The following RND3 variants were observed in gnomAD, a reference collection of about 807,000 sequenced individuals.
RND3 encodes rho-related GTP-binding protein RhoE.
Under a neutral mutation model 26.5 loss-of-function variants are expected in RND3, and 8 were observed. That is an observed-to-expected ratio of 0.30 (90% CI 0.18 to 0.54). The LOEUF (loss-of-function observed/expected upper bound fraction) is 0.54. Ranked by LOEUF, RND3 falls within the 20% of genes least tolerant of loss-of-function variation. RND3 has a pLI of 0.94. For synonymous variants in RND3, 113 were observed against 113.0 expected, an observed-to-expected ratio of 1.00 and a Z score of 0.00; for missense variants, 207 against 302.8, an observed-to-expected ratio of 0.68 and a Z score of 2.35.
rs545096539 is a variant in RND3, at chr2:150,468,207, C to T, written c.*1780G>A. 7 of 133,020 alleles carry T rather than the reference C, an allele frequency of 5.3e-5. No individual in the cohort carries two copies. The highest frequency in any genetic ancestry group is 1.7e-4 in the African/African-American group (6 of 34,902). The allele number at this position is 133,020 out of a possible 1,614,324, so 8.2% of individuals were successfully genotyped here. On this transcript the variant is annotated 3_prime_UTR_variant, in exon 6 of 6. Transcript: ENST00000263895. ...AAGACAGATCACATTTAGACAAAGA[C>T]ATGGTTACTTTTTTATTTGAAGAAA...
At chr2:150,485,025 G>A (rs143660706) in intron 3 of RND3, among the ~76,000 whole-genome samples, 9 of 152,290 alleles carry the variant, frequency 5.9e-5, no homozygotes, top group Admixed American at 1.3e-4. Flanking sequence ...TAAGTACCAG[G>A]CTGTAAAATA....
chr2:150,477,244 C>G, intron 3 of RND3, among the ~76,000 whole-genome samples: 1 of 152,094 alleles, frequency 6.6e-6, no homozygotes, highest in Non-Finnish European at 1.5e-5. Context: ...GACCTGGTAT[C>G]TTTAGAGAAC....
At position 150,486,330 on chromosome 2, in the gene RND3, C is replaced by T. The variant is rs989201780; in HGVS notation, c.238+364G>A. Among the ~76,000 whole-genome samples, 25 of 152,230 alleles carry T rather than the reference C, an allele frequency of 1.6e-4. No homozygotes were observed. The highest frequency in any genetic ancestry group is 3.1e-4 in the Non-Finnish European group (21 of 68,028). ...TCTAGGAGGGGCGCCCGCCTTGAGC[C>T]GGGTGGTTCCGCCGAGGCGCACGCA... is the stretch of plus-strand genomic sequence containing the variant. On this transcript the variant is annotated intron_variant, in intron 3 of 5. Coordinates refer to ENST00000263895, the MANE Select transcript of RND3 (RefSeq NM_005168.5). The surrounding 1 kb of genome is among the most constrained non-coding windows in gnomAD (Gnocchi z 4.5).
Position 150,486,575 on chromosome 2 carries a change from G to A in RND3, c.238+119C>T, listed in dbSNP as rs899146004. 7.5e-6 allele frequency: 6 copies of A among 794,772 alleles called. No homozygotes were observed. In the African/African-American group the frequency reaches 8.4e-5, roughly 11 times the overall value. The allele number at this position is 794,772 out of a possible 1,614,324, so 49.2% of individuals were successfully genotyped here. On this transcript the variant is annotated intron_variant, in intron 3 of 5. Coordinates refer to ENST00000263895, the MANE Select transcript of RND3 (RefSeq NM_005168.5). The surrounding 1 kb of genome is among the most constrained non-coding windows in gnomAD (Gnocchi z 4.5). Reference sequence around the variant, plus strand: ...ATACAATTTTCGCCCAACAGGGACCGTGGGAATCCCTTGGGAGGGGCGCAG... The same window carrying A: ...ATACAATTTTCGCCCAACAGGGACCATGGGAATCCCTTGGGAGGGGCGCAG...
At chr2:150,478,810 T>C (rs766181992) in intron 3 of RND3, among the ~76,000 whole-genome samples, 6 of 152,134 alleles carry the variant, frequency 3.9e-5, no homozygotes, top group Non-Finnish European at 7.4e-5. Context: ...ATTTAGGGAC[T>C]GCGTTTGGCT....
At chr2:150,475,955 T>C (rs1686156994) in intron 3 of RND3, among the ~76,000 whole-genome samples, 1 of 152,212 alleles carries the variant, frequency 6.6e-6, no homozygotes, top group Non-Finnish European at 1.5e-5. Flanking sequence ...TTCCAAAGGA[T>C]GGGCAATTAC....
At chr2:150,485,989 G>A (rs7566855) in intron 3 of RND3, among the ~76,000 whole-genome samples, 4,939 of 152,200 alleles carry the variant, frequency 0.032, 199 homozygotes, top group African/African-American at 0.098. Context: ...TAGAGGTCAG[G>A]AGGGGCTGGT....
chr2:150,476,324 T>C (rs986646305), intron 3 of RND3, among the ~76,000 whole-genome samples: 2 of 152,166 alleles, frequency 1.3e-5, no homozygotes, highest in East Asian at 1.9e-4. Flanking sequence ...CAAAACAACA[T>C]TTGCTTGGAG....
intron 4 of RND3, chr2:150,472,060 G>A (rs1686094920): frequency 3.3e-6 from 1 of 301,848 alleles, no homozygotes; most frequent in East Asian, 7.9e-5. Context: ...CTTCAATAAT[G>A]TCTTAATTAT....
chr2:150,487,306 C>G lies in RND3; in HGVS notation c.112G>C (p.Ala38Pro). 6.2e-7 allele frequency: 1 copy of G among 1,604,210 alleles called. No individual in the cohort carries two copies. Among genetic ancestry groups the G allele is most frequent in the African/African-American group, 1.3e-5 (1 of 74,304 alleles). The change falls in exon 2 of 6, where the codon GCG becomes CCG. Residue 38 changes from alanine (A) to proline (P), a missense_variant. Transcript: ENST00000263895. ...VVGDSQCGKTALLHVFAKDCF... is the reference protein window; with the variant it reads ...VVGDSQCGKTPLLHVFAKDCF... ...TCCTTGGCGAAGACATGGAGCAGCG[C>G]AGTTTTTCCACACTGACTGTCTCCC...
intron 5 of RND3, among the ~76,000 whole-genome samples, chr2:150,470,764 C>T (rs1330471769): frequency 2.0e-5 from 3 of 152,116 alleles, no homozygotes; most frequent in Non-Finnish European, 4.4e-5. Context: ...GGCGATGTGG[C>T]CTTGAGAACC....
chr2:150,481,775 G>T lies in RND3; in HGVS notation c.238+4919C>A, dbSNP rs932701015. ...GAGAGCAGTGATCCCCTTTTAAGCT[G>T]CTTTTCTGGATTAATTATATACTAA... On this transcript the variant is annotated intron_variant, in intron 3 of 5. Coordinates refer to ENST00000263895, the MANE Select transcript of RND3 (RefSeq NM_005168.5). Among the ~76,000 whole-genome samples the T allele has an allele frequency of 2.4e-4, 36 of 151,820 alleles. 2 individuals are homozygous for T. The highest frequency in any genetic ancestry group is 4.4e-5 in the Non-Finnish European group (3 of 67,984).
At chr2:150,478,406 A>C (rs866828759) in intron 3 of RND3, among the ~76,000 whole-genome samples, 1 of 151,930 alleles carries the variant, frequency 6.6e-6, no homozygotes, top group African/African-American at 2.4e-5. Flanking sequence ...CATGCCAAAA[A>C]AAAAGGAAGA....
chr2:150,471,588 T>C, intron 5 of RND3, 39 bp downstream of exon 5: 2 of 1,536,392 alleles, frequency 1.3e-6, no homozygotes, highest in Non-Finnish European at 1.8e-6. Context: ...TCTTTCACTC[T>C]TTCTAAAATC....
intron 3 of RND3, among the ~76,000 whole-genome samples, chr2:150,480,445 G>A (rs1686251639): frequency 6.6e-6 from 1 of 152,148 alleles, no homozygotes; most frequent in African/African-American, 2.4e-5. Context: ...ACTGAGCCAC[G>A]ACTAATTCAT....
At chr2:150,474,012 C>T (rs1444848811) in intron 4 of RND3, among the ~76,000 whole-genome samples, 1 of 152,118 alleles carries the variant, frequency 6.6e-6, no homozygotes, top group African/African-American at 2.4e-5. Flanking sequence ...ATTCTGAAAC[C>T]CCACAGCACA....
At chr2:150,480,405 G>A (rs1488087025) in intron 3 of RND3, among the ~76,000 whole-genome samples, 3 of 152,278 alleles carry the variant, frequency 2.0e-5, no homozygotes, top group Admixed American at 6.5e-5. Flanking sequence ...TGTAGCAACT[G>A]AGAAGTCATT....
chr2:150,469,811 T>C lies in RND3; in HGVS notation c.*176A>G, dbSNP rs1686052494. On this transcript the variant is annotated 3_prime_UTR_variant, in exon 6 of 6. Coordinates refer to ENST00000263895, the MANE Select transcript of RND3 (RefSeq NM_005168.5). ...TTCCATGTATTCACTTCTCATCACT[T>C]GGTCTACATGCCGAACCTAAGGTCA... 4.7e-6 allele frequency: 3 copies of C among 636,444 alleles called. No individual in the cohort carries two copies. The highest frequency in any genetic ancestry group is 5.5e-5 in the East Asian group (2 of 36,334). 39.4% of individuals were successfully genotyped at this position (636,444 alleles called of 1,614,324 possible).
chr2:150,473,602 C>T (rs1018444879), intron 4 of RND3, among the ~76,000 whole-genome samples: 1 of 151,998 alleles, frequency 6.6e-6, no homozygotes, highest in Non-Finnish European at 1.5e-5. Flanking sequence ...ATGTATTACT[C>T]AAAATTGAAA....
Sources: gnomAD v4.1 joint callset for allele counts (sites outside exome capture counted in the v4.1 genomes callset) on GRCh38, gnomAD v4.1.1 for gene constraint, Gnocchi (gnomAD v3.1) non-coding constraint, MANE v1.5 for transcripts, NCBI Gene and HGNC (gene_info 2026-07-23, HGNC 2026-07-21) for gene names.